The following PIAS1 variants were observed in gnomAD, a reference collection of about 807,000 sequenced individuals.
PIAS1 encodes protein inhibitor of activated STAT 1.
A neutral mutation model predicts 71.3 loss-of-function variants in PIAS1; 6 were observed. That is an observed-to-expected ratio of 0.08 (90% CI 0.05 to 0.17). The LOEUF is 0.17. PIAS1 is among the 10% of genes least tolerant of loss of function. The pLI is 1.00. For missense variants in PIAS1, 555 were observed against 793.6 expected (o/e 0.70, Z 3.61); for synonymous variants, 303 against 292.9 (o/e 1.03, Z -0.35).
At chr15:68,152,966 G>T (rs370561447) in intron 6 of PIAS1, among the ~76,000 whole-genome samples, 3 of 147,688 alleles carry the variant, frequency 2.0e-5, no homozygotes, top group Admixed American at 6.7e-5. Flanking sequence ...GCTGGTAATG[G>T]ATATTCATCT....
chr15:68,102,990 C>CA (rs888737036), intron 2 of PIAS1, among the ~76,000 whole-genome samples: 3 of 151,840 alleles, frequency 2.0e-5, no homozygotes, highest in African/African-American at 7.3e-5. Context: ...TATAGTAGCA[C>CA]AGTCTCGGCT....
At chr15:68,156,797 C>T (rs902469363) in intron 7 of PIAS1, among the ~76,000 whole-genome samples, 4 of 149,544 alleles carry the variant, frequency 2.7e-5, no homozygotes, top group Admixed American at 6.7e-5. Context: ...TTGACATAGA[C>T]GATATGAAGA....
chr15:68,134,522 C>T (rs1216899887), intron 2 of PIAS1, among the ~76,000 whole-genome samples: 2 of 40,150 alleles, frequency 5.0e-5, no homozygotes, highest in Admixed American at 2.1e-4. Flanking sequence ...CCGGACGGGG[C>T]GGCTGGCCGG....
intron 4 of PIAS1, among the ~76,000 whole-genome samples, chr15:68,143,603 T>G (rs1336357522): frequency 6.6e-6 from 1 of 152,132 alleles, no homozygotes; most frequent in East Asian, 1.9e-4. Flanking sequence ...ATTGTGATAA[T>G]GACTGAAGAA....
chr15:68,062,353 C>G (rs1298252535), intron 1 of PIAS1, among the ~76,000 whole-genome samples: 1 of 152,084 alleles, frequency 6.6e-6, no homozygotes, highest in Non-Finnish European at 1.5e-5. Flanking sequence ...GGGGAGGTGA[C>G]AGCTTTATTG....
intron 8 of PIAS1, among the ~76,000 whole-genome samples, chr15:68,172,272 C>T (rs187164264): frequency 9.8e-5 from 15 of 152,296 alleles, no homozygotes; most frequent in African/African-American, 2.9e-4. Flanking sequence ...CATAGTATTC[C>T]ATGGTATATA....
chr15:68,105,051 A>G (rs2092457493), intron 2 of PIAS1, among the ~76,000 whole-genome samples: 2 of 152,188 alleles, frequency 1.3e-5, no homozygotes, highest in Non-Finnish European at 2.9e-5. Context: ...AGAAAATCTG[A>G]TGACTCCATT....
chr15:68,064,639 C>T (rs972934390), intron 1 of PIAS1, among the ~76,000 whole-genome samples: 7 of 152,064 alleles, frequency 4.6e-5, no homozygotes, highest in African/African-American at 1.7e-4. Flanking sequence ...CAAAGAATAT[C>T]GAAAGTTATC....
intron 2 of PIAS1, among the ~76,000 whole-genome samples, chr15:68,126,691 C>T (rs2092652825): frequency 6.6e-6 from 1 of 152,154 alleles, no homozygotes; most frequent in African/African-American, 2.4e-5. Context: ...TCCCAAAATG[C>T]TGTAATTACA....
chr15:68,162,466 GGAAGAGAGGAAAA>G (rs1351541927), intron 7 of PIAS1, among the ~76,000 whole-genome samples: 1 of 152,058 alleles, frequency 6.6e-6, no homozygotes, highest in African/African-American at 2.4e-5. Context: ...GGGAAGGAGA[GGAAGAGAGGAAAA>G]GGAGAGAGAG....
At position 68,172,973 on chromosome 15, in the gene PIAS1, C is replaced by A. The variant is rs2093000735; in HGVS notation, c.1009-759C>A. Among the ~76,000 whole-genome samples, 3 of 152,218 alleles carry A rather than the reference C, an allele frequency of 2.0e-5. No individual in the cohort carries two copies. In the East Asian group the frequency reaches 5.8e-4, roughly 29 times the overall value. ...AAGCAATGCAGAGTGTGTGCACCTG[C>A]CTTCCTCCTCAGAGCTGCCACTTGG... On this transcript the variant is annotated intron_variant, in intron 8 of 13. Coordinates refer to ENST00000249636, the MANE Select transcript of PIAS1 (RefSeq NM_016166.3).
intron 1 of PIAS1, among the ~76,000 whole-genome samples, chr15:68,077,972 T>G (rs566652814): frequency 6.6e-6 from 1 of 152,238 alleles, no homozygotes; most frequent in African/African-American, 2.4e-5. Flanking sequence ...GTTTCTTCTT[T>G]TAGGCTTTTC....
chr15:68,076,203 A>G (rs1215576796), intron 1 of PIAS1, among the ~76,000 whole-genome samples: 1 of 152,076 alleles, frequency 6.6e-6, no homozygotes, highest in African/African-American at 2.4e-5. Context: ...GAAGATGTTT[A>G]TTTTTACCTT....
At chr15:68,153,553 C>A (rs765902353) in intron 6 of PIAS1, 37 bp from the exon 7 acceptor site, 4 of 914,876 alleles carry the variant, frequency 4.4e-6, no homozygotes, top group African/African-American at 1.6e-5. Context: ...TATTTACTTA[C>A]ATATGTTGTT....
rs1317237806 is a variant in PIAS1, at chr15:68,145,781, A to G, written c.603-35A>G. 8 of 1,207,484 alleles carry G rather than the reference A, an allele frequency of 6.6e-6. No individual in the cohort carries two copies. In the South Asian group the frequency reaches 9.8e-5, roughly 15 times the overall value. 74.8% of individuals were successfully genotyped at this position (1,207,484 alleles called of 1,614,324 possible). On this transcript the variant is annotated intron_variant, in intron 4 of 13. Transcript: ENST00000249636. ...AATAATACTAATGAAGTCATCCTTT[A>G]ATAAAGGAAATTAAACTTGTCCTTT...
intron 2 of PIAS1, among the ~76,000 whole-genome samples, chr15:68,110,688 G>C (rs1225756817): frequency 6.6e-6 from 1 of 151,952 alleles, no homozygotes. Context: ...CTTGAGCCTG[G>C]GGAGATCAAG....
Position 68,175,739 on chromosome 15 carries a change from A to G in PIAS1, c.1272A>G (p.Glu424=), listed in dbSNP as rs922884792. ...APMRSKKEVQ[E]VSASYNGVDG... Reference sequence around the variant, plus strand: ...TGAGATCAAAAAAGGAAGTACAGGAAGTTTCTGCCTCTTACAATGGAGTCG... The same window carrying G: ...TGAGATCAAAAAAGGAAGTACAGGAGGTTTCTGCCTCTTACAATGGAGTCG... The change falls in exon 10 of 14, where the codon GAA becomes GAG. Residue 424 remains glutamate (E), a synonymous_variant. Coordinates refer to ENST00000249636, the MANE Select transcript of PIAS1 (RefSeq NM_016166.3). 6.2e-7 allele frequency: 1 copy of G among 1,607,214 alleles called. No homozygotes were observed. The highest frequency in any genetic ancestry group is 1.7e-5 in the Admixed American group (1 of 59,394).
intron 1 of PIAS1, among the ~76,000 whole-genome samples, chr15:68,081,940 T>C (rs190839911): frequency 2.0e-5 from 3 of 151,640 alleles, no homozygotes; most frequent in Non-Finnish European, 2.9e-5. Flanking sequence ...AGGCACAACA[T>C]TGTAAAATTT....
rs542868614 is a variant in PIAS1, at chr15:68,183,318, AAG to A, written c.1625-309_1625-308del. On this transcript the variant is annotated intron_variant, in intron 12 of 13. Coordinates refer to ENST00000249636, the MANE Select transcript of PIAS1 (RefSeq NM_016166.3). ...CTTAGAGCAGATTGAAAGTTTCCTT[AAG>A]AGGAGTCCAGAGCATTTGTTAAAAG... Among the ~76,000 whole-genome samples the A allele has an allele frequency of 1.1e-3, 170 of 152,306 alleles. 1 individual carries two copies. The highest frequency in any genetic ancestry group is 4.0e-3 in the African/African-American group (165 of 41,562).
Sources: gnomAD v4.1 joint callset for allele counts (sites outside exome capture counted in the v4.1 genomes callset) on GRCh38, gnomAD v4.1.1 for gene constraint, MANE v1.5 for transcripts, NCBI Gene and HGNC (gene_info 2026-07-23, HGNC 2026-07-21) for gene names.